Variants in TMEM106A observed in about 807,000 individuals in gnomAD.
TMEM106A encodes the protein transmembrane protein 106A.
TMEM106A carries 22 observed loss-of-function variants against 25.1 expected under a neutral mutation model. That is an observed-to-expected ratio of 0.88 (90% CI 0.63 to 1.25). The LOEUF is 1.25. Ranked by LOEUF, TMEM106A falls within the 50% of genes most tolerant of loss-of-function variation. The pLI is 0.00. For missense variants in TMEM106A, 275 were observed against 318.1 expected (o/e 0.86, Z 1.03); for synonymous variants, 104 against 129.9 (o/e 0.80, Z 1.35).
chr17:43,216,415 C>T (rs1215353712), intron 5 of TMEM106A, 34 bp from the exon 6 acceptor site: 10 of 1,606,904 alleles, frequency 6.2e-6, no homozygotes, highest in Non-Finnish European at 8.5e-6. Context: ...GATGGGCCAT[C>T]TTCACTCCTC....
chr17:43,217,271 C>G lies in TMEM106A; in HGVS notation c.627C>G (p.Thr209=). ...TCTTCTCTCTCAGCAAAATCTGTAC[C>G]TGGCTGGAAATCAAAGTCCACCATG... ...IRDENTYKIC[T]WLEIKVHHVL... is the part of the protein sequence containing the mutation. Residue 209 remains threonine, a synonymous_variant, in exon 8 of 9, where the codon ACC becomes ACG. Coordinates refer to ENST00000612339, the MANE Select transcript of TMEM106A (RefSeq NM_145041.4). 6.2e-7 allele frequency: 1 copy of G among 1,614,214 alleles called. No homozygotes were observed. Among genetic ancestry groups the G allele is most frequent in the African/African-American group, 1.3e-5 (1 of 75,064 alleles).
chr17:43,216,662 A>C, intron 6 of TMEM106A, 35 bp from the exon 7 acceptor site: 1 of 1,614,158 alleles, frequency 6.2e-7, no homozygotes, highest in Non-Finnish European at 8.5e-7. Context: ...GGGCAGCTGG[A>C]GTTGGGGCTA....
At position 43,216,432 on chromosome 17, in the gene TMEM106A, C is replaced by T. The variant is rs752405692; in HGVS notation, c.430-17C>T. On this transcript the variant is annotated splice_polypyrimidine_tract_variant and intron_variant, in intron 5 of 8. Coordinates refer to ENST00000612339, the MANE Select transcript of TMEM106A (RefSeq NM_145041.4). ...TGGGCCATCTTCACTCCTCCCTTCC[C>T]TTGTCTTCATCCCCAGAATATCTTA... The T allele has an allele frequency of 5.0e-6, 8 of 1,612,776 alleles. No homozygotes were observed.
Position 43,219,034 on chromosome 17 carries a change from AAC to A in TMEM106A, c.*1235_*1236del, listed in dbSNP as rs1450963197. On this transcript the variant is annotated 3_prime_UTR_variant, in exon 9 of 9. Coordinates refer to ENST00000612339, the MANE Select transcript of TMEM106A (RefSeq NM_145041.4). ...GCACTCTGCGGGCCTGCACAGGAAA[AAC>A]AGAGCCAAAGACAGAATCATTGTAT... 6.6e-6 allele frequency: 1 copy of A among 152,256 alleles called. No homozygotes were observed. The highest frequency in any genetic ancestry group is 1.5e-5 in the Non-Finnish European group (1 of 68,070). 9.4% of individuals were successfully genotyped at this position (152,256 alleles called of 1,614,324 possible). A position where few individuals can be genotyped will look rare whatever the true frequency, so the allele number is the denominator to read the frequency against.
Position 43,216,450 on chromosome 17 carries a change from A to ATATC in TMEM106A, c.433_436dup (p.Leu146TyrfsTer45). The ATATC allele has an allele frequency of 6.2e-7, 1 of 1,613,692 alleles. No individual in the cohort carries two copies. Among genetic ancestry groups the ATATC allele is most frequent in the South Asian group, 1.1e-5 (1 of 91,086 alleles). On this transcript the variant is annotated frameshift_variant and splice_region_variant, in exon 6 of 9. Coordinates refer to ENST00000612339, the MANE Select transcript of TMEM106A (RefSeq NM_145041.4). LOFTEE classifies it high-confidence loss of function. ...CCCTTCCCTTGTCTTCATCCCCAGAATATCTTAAACATCTCCAATGGCAAC... is the reference window on the plus strand; with the variant it reads ...CCCTTCCCTTGTCTTCATCCCCAGAATATCTATCTTAAACATCTCCAATGGCAAC...
intron 4 of TMEM106A, 82 bp downstream of exon 4, chr17:43,213,973 T>C: frequency 9.9e-6 from 14 of 1,418,314 alleles, no homozygotes; most frequent in Non-Finnish European, 1.4e-5. Flanking sequence ...TTGATCTCCC[T>C]TAATTTCTTC....
In TMEM106A at chr17:43,213,247, C is replaced by T. The variant is rs765638881; in HGVS notation, c.206C>T (p.Pro69Leu). Residue 69 changes from proline to leucine, a missense_variant, in exon 3 of 9, where the codon CCC becomes CTC. Physicochemically the swap from Pro to Leu is moderately conservative, Grantham distance 98. Transcript: ENST00000612339. The part of the protein sequence containing the change: ...CPTCQGSGKI[P>L]QELEKQLVAL... Reference sequence around the variant, plus strand: ...ACCTGCCAGGGCAGTGGCAAGATTCCCCAAGGTGAGTGGCCCAAGGCTCTG... The same window carrying T: ...ACCTGCCAGGGCAGTGGCAAGATTCTCCAAGGTGAGTGGCCCAAGGCTCTG... 2 of 1,614,024 alleles carry T rather than the reference C, an allele frequency of 1.2e-6. No homozygotes were observed. The highest frequency in any genetic ancestry group is 2.2e-5 in the South Asian group (2 of 91,086).
chr17:43,216,618 C>CCCA (rs768276270), intron 6 of TMEM106A, 29 bp downstream of exon 6: 16 of 1,614,156 alleles, frequency 9.9e-6, no homozygotes, highest in Non-Finnish European at 1.4e-5. Context: ...GCCAGCCCTG[C>CCCA]CCACTGGTGT....
In TMEM106A at chr17:43,216,518, C is replaced by T. The variant is rs1431829430; in HGVS notation, c.499C>T (p.His167Tyr). 8.1e-6 allele frequency: 13 copies of T among 1,614,120 alleles called. No homozygotes were observed. The Admixed American group carries it at 2.0e-4, about 25-fold the overall frequency. Reference protein sequence around the residue: ...MVTQLTLEVLHLSLVVGQVSN... With the variant: ...MVTQLTLEVLYLSLVVGQVSN... ...GACACAGCTGACCCTCGAGGTTCTG[C>T]ACCTGTCCCTCGTGGTGGGGCAGGT... Residue 167 changes from histidine to tyrosine, a missense_variant, in exon 6 of 9, where the codon CAC (histidine) becomes TAC (tyrosine). Physicochemically the swap from His to Tyr is moderately conservative, Grantham distance 83 (BLOSUM62 2). Transcript: ENST00000612339.
intron 2 of TMEM106A, 26 bp from the exon 3 acceptor site, chr17:43,212,995 A>G (rs1475941364): frequency 1.3e-6 from 2 of 1,594,112 alleles, no homozygotes; most frequent in Non-Finnish European, 1.7e-6. Flanking sequence ...CAAGCTTAGC[A>G]CTGAACTTTG....
chr17:43,217,148 G>T, intron 7 of TMEM106A, 111 bp from the exon 8 acceptor site: 3 of 1,134,558 alleles, frequency 2.6e-6, no homozygotes, highest in Non-Finnish European at 2.7e-6. Context: ...GGCACCTGAT[G>T]GAAGGAAAGA....
chr17:43,217,613 A>G, intron 8 of TMEM106A, 68 bp from the exon 9 acceptor site: 1 of 1,596,618 alleles, frequency 6.3e-7, no homozygotes, highest in Middle Eastern at 1.7e-4. Context: ...CCACCCCCAG[A>G]CAGTATAATG....
chr17:43,213,076 G>C lies in TMEM106A; in HGVS notation c.35G>C (p.Arg12Pro). ...GKTFSQLGSW[R>P]EDENKSILSS... ...ACGTTTTCCCAGCTGGGCTCTTGGC[G>C]GGAGGATGAGAACAAGTCAATCCTG... is the stretch of plus-strand genomic sequence containing the variant. The change falls in exon 3 of 9, where the codon CGG becomes CCG. Residue 12 changes from arginine to proline, a missense_variant. Physicochemically the swap from Arg to Pro is moderately radical, Grantham distance 103. Coordinates refer to ENST00000612339, the MANE Select transcript of TMEM106A (RefSeq NM_145041.4). The C allele has an allele frequency of 6.2e-7, 1 of 1,614,178 alleles. No homozygotes were observed. The highest frequency in any genetic ancestry group is 8.5e-7 in the Non-Finnish European group (1 of 1,180,036).
intron 5 of TMEM106A, 127 bp from the exon 6 acceptor site, chr17:43,216,322 A>G: frequency 7.6e-7 from 1 of 1,323,022 alleles, no homozygotes. Context: ...CCCAGTTTTC[A>G]TCCTCTGCAC....
At chr17:43,216,344 C>T in intron 5 of TMEM106A, 105 bp from the exon 6 acceptor site, 2 of 1,459,960 alleles carry the variant, frequency 1.4e-6, no homozygotes, top group Non-Finnish European at 1.9e-6. Flanking sequence ...TGAAGCTTGT[C>T]ATGGTAGATG....
At position 43,218,710 on chromosome 17, in the gene TMEM106A, G is replaced by T. The variant is rs2057509625; in HGVS notation, c.*909G>T. On this transcript the variant is annotated 3_prime_UTR_variant, in exon 9 of 9. Coordinates refer to ENST00000612339, the MANE Select transcript of TMEM106A (RefSeq NM_145041.4). ...CTACCCTCTGATAAGAAAATTTGGG[G>T]ATATCCAGTGCCATCTCCAAGGACT... 6.6e-6 allele frequency: 1 copy of T among 152,182 alleles called. No homozygotes were observed. The highest frequency in any genetic ancestry group is 1.5e-5 in the Non-Finnish European group (1 of 68,038). 9.4% of individuals were successfully genotyped at this position (152,182 alleles called of 1,614,324 possible). A position where few individuals can be genotyped will look rare whatever the true frequency, so the allele number is the denominator to read the frequency against.
intron 4 of TMEM106A, among the ~76,000 whole-genome samples, chr17:43,214,976 A>G (rs1215840608): frequency 1.4e-5 from 2 of 145,518 alleles, no homozygotes; most frequent in Non-Finnish European, 3.0e-5. Flanking sequence ...AAAAAAAAAC[A>G]AAAAAAAACC....
chr17:43,214,219 AAAAG>A (rs796717484), intron 4 of TMEM106A, among the ~76,000 whole-genome samples: 32 of 73,692 alleles, frequency 4.3e-4, no homozygotes, highest in South Asian at 2.2e-3. Flanking sequence ...AAAAAAAAAG[AAAAG>A]AAAGAAAGAA....
intron 5 of TMEM106A, 42 bp downstream of exon 5, chr17:43,215,983 T>C: frequency 1.9e-6 from 3 of 1,611,482 alleles, no homozygotes; most frequent in Non-Finnish European, 2.5e-6. Flanking sequence ...TTCCTAGCAA[T>C]ACTTCGCTGT....
Sources: gnomAD v4.1 joint callset for allele counts (sites outside exome capture counted in the v4.1 genomes callset) on GRCh38, gnomAD v4.1.1 for gene constraint, MANE v1.5 for transcripts, NCBI Gene and HGNC (gene_info 2026-07-23, HGNC 2026-07-21) for gene names.